Variants in NAV3 observed in about 807,000 individuals in gnomAD.
The protein encoded by NAV3 is pore membrane and/or filament interacting like protein 1.
A neutral mutation model predicts 244.7 loss-of-function variants in NAV3; 87 were observed. The ratio of observed to expected loss-of-function variants is 0.36; its 90% CI spans 0.30 to 0.42. The LOEUF (loss-of-function observed/expected upper bound fraction) is 0.42, where lower values mean the gene tolerates loss of function less well. Ranked by LOEUF, NAV3 falls within the 20% of genes least tolerant of loss-of-function variation. The probability of loss-of-function intolerance (pLI) is 1.00; values close to 1 mark genes in which losing one functional copy is unlikely to be tolerated. For missense variants in NAV3, 2,663 were observed against 2,893.3 expected (o/e 0.92, Z 1.83); for synonymous variants, 1,126 against 1,042.2 (o/e 1.08, Z -1.55).
chr12:77,686,972 G>A (rs1296274298), intron 2 of NAV3, among the ~76,000 whole-genome samples: 2 of 151,906 alleles, frequency 1.3e-5, no homozygotes, highest in African/African-American at 4.8e-5. Flanking sequence ...GCCTCTCGGT[G>A]GGGTCTTTTT....
At chr12:77,597,494 T>A (rs1304240539) in intron 2 of NAV3, among the ~76,000 whole-genome samples, 5 of 152,090 alleles carry the variant, frequency 3.3e-5, no homozygotes, top group African/African-American at 4.8e-5. Flanking sequence ...TTTTATCAAT[T>A]GAATAAGATT....
rs567491883 is a variant in NAV3, at chr12:77,926,457, T to C, written c.244-13862T>C. Among the ~76,000 whole-genome samples the C allele has an allele frequency of 7.9e-5, 12 of 151,564 alleles. No individual in the cohort carries two copies. In the East Asian group the frequency reaches 2.2e-3, roughly 27 times the overall value. ...GAGGCTTGGGAGGTAAGGGAAGATA[T>C]AGATAGATAGATACATACATACATA... On this transcript the variant is annotated intron_variant, in intron 1 of 39. Transcript: ENST00000397909.
rs747945999 is a variant in NAV3, at chr12:78,128,740, G to C, written c.4315G>C (p.Glu1439Gln). The change falls in exon 18 of 40, where the codon GAG becomes CAG. Residue 1439 changes from glutamate (E) to glutamine (Q), a missense_variant. Glu to Gln is a conservative substitution (Grantham distance 29). Coordinates refer to ENST00000397909, the MANE Select transcript of NAV3 (RefSeq NM_001024383.2). Reference protein sequence around the residue: ...TPSSRQANQEEGKEWLRSHST... With the variant: ...TPSSRQANQEQGKEWLRSHST... ...ATCATCTCGGCAGGCCAACCAAGAA[G>C]AGGGCAAAGAGTGGTTGCGTTCTCA... 46 of 1,613,884 alleles carry C rather than the reference G, an allele frequency of 2.9e-5. No homozygotes were observed. Among genetic ancestry groups the C allele is most frequent in the Non-Finnish European group, 3.9e-5 (46 of 1,179,880 alleles).
intron 1 of NAV3, among the ~76,000 whole-genome samples, chr12:77,907,225 G>A (rs545157708): frequency 5.9e-5 from 9 of 152,296 alleles, no homozygotes; most frequent in South Asian, 4.1e-4. Context: ...TGAAGGAAGA[G>A]CGTGTACAAG....
intron 22 of NAV3, 142 bp downstream of exon 22, chr12:78,149,061 T>C: frequency 2.9e-6 from 2 of 685,214 alleles, no homozygotes; most frequent in Non-Finnish European, 4.9e-6. Flanking sequence ...AAGTTAACAT[T>C]TTTTGCCTAC....
rs1246432571 is a variant in NAV3, at chr12:78,162,721, G to A, written c.4869+3435G>A. ...TCTACTAGAAACAAAAATTAGCCAG[G>A]CCTGGTGGTGGGCACCTGTAGTCCC... On this transcript the variant is annotated intron_variant, in intron 23 of 39. Transcript: ENST00000397909. Among the ~76,000 whole-genome samples the A allele has an allele frequency of 1.3e-5, 2 of 150,750 alleles. 1 individual carries two copies. The highest frequency in any genetic ancestry group is 3.0e-5 in the Non-Finnish European group (2 of 67,732).
At chr12:77,647,845 T>C (rs968414758) in intron 2 of NAV3, among the ~76,000 whole-genome samples, 3 of 152,136 alleles carry the variant, frequency 2.0e-5, no homozygotes, top group Admixed American at 6.5e-5. Flanking sequence ...AGCACAGATC[T>C]ACCATTCCTA....
intron 2 of NAV3, among the ~76,000 whole-genome samples, chr12:77,822,168 A>G (rs1340288464): frequency 1.3e-5 from 2 of 152,164 alleles, no homozygotes; most frequent in Non-Finnish European, 2.9e-5. Context: ...AACTAACTCT[A>G]TCAGTAGCAT....
At chr12:77,985,725 T>C (rs1382641765) in intron 5 of NAV3, among the ~76,000 whole-genome samples, 1 of 152,106 alleles carries the variant, frequency 6.6e-6, no homozygotes, top group Non-Finnish European at 1.5e-5. Flanking sequence ...TCTTAGATTC[T>C]TCCCTTTCTT....
chr12:77,951,710 A>G (rs1259200256), intron 3 of NAV3, among the ~76,000 whole-genome samples: 3 of 152,188 alleles, frequency 2.0e-5, no homozygotes, highest in Admixed American at 2.0e-4. Flanking sequence ...AAAATGTGGC[A>G]CATATACACC....
At chr12:77,725,955 T>C (rs1343140823) in intron 2 of NAV3, among the ~76,000 whole-genome samples, 1 of 151,966 alleles carries the variant, frequency 6.6e-6, no homozygotes, top group Non-Finnish European at 1.5e-5. Flanking sequence ...GCTGCATCAC[T>C]CTGAATCTGA....
At chr12:78,064,425 G>GTCTT (rs1884735312) in intron 12 of NAV3, among the ~76,000 whole-genome samples, 1 of 146,730 alleles carries the variant, frequency 6.8e-6, no homozygotes, top group Non-Finnish European at 1.5e-5. Flanking sequence ...CTGTCTGTCT[G>GTCTT]TCTGCCTGCC....
chr12:77,950,794 C>A (rs1300058821), intron 3 of NAV3: 3 of 152,036 alleles, frequency 2.0e-5, no homozygotes, highest in South Asian at 2.1e-4. Context: ...CTTTGACAAA[C>A]CTGACAAAAA....
intron 1 of NAV3, among the ~76,000 whole-genome samples, chr12:77,895,621 T>C (rs1201178054): frequency 2.6e-5 from 4 of 152,004 alleles, no homozygotes; most frequent in Admixed American, 1.3e-4. Flanking sequence ...ACATGCTAAG[T>C]TTTGTATTTT....
rs1350071736 is a variant in NAV3 at position 78,037,082 on chromosome 12, G to A, written c.2024-12911G>A. 7.1e-6 allele frequency: 5 copies of A among 702,866 alleles called. No individual in the cohort carries two copies. In the East Asian group the frequency reaches 8.0e-5, roughly 11 times the overall value. 43.5% of individuals were successfully genotyped at this position (702,866 alleles called of 1,614,324 possible). A position where few individuals can be genotyped will look rare whatever the true frequency, so the allele number is the denominator to read the frequency against. ...GGCGCTCACTGTCCAAGTTTCTCTC[G>A]CGGTCTGTGCAGTCCCTGTATCACA... On this transcript the variant is annotated intron_variant, in intron 9 of 39. Coordinates refer to ENST00000397909, the MANE Select transcript of NAV3 (RefSeq NM_001024383.2).
intron 12 of NAV3, among the ~76,000 whole-genome samples, chr12:78,074,741 G>A (rs574867813): frequency 3.3e-5 from 5 of 152,094 alleles, no homozygotes; most frequent in African/African-American, 4.8e-5. Context: ...AAGATATGAC[G>A]CAAGACAGAA....
chr12:78,127,549 A>G (rs1447510530), intron 17 of NAV3, among the ~76,000 whole-genome samples: 1 of 152,342 alleles, frequency 6.6e-6, no homozygotes, highest in Non-Finnish European at 1.5e-5. Context: ...CTTTGGTAGA[A>G]TGCAGAACTC....
intron 2 of NAV3, among the ~76,000 whole-genome samples, chr12:77,606,863 C>A (rs1870692692): frequency 6.6e-6 from 1 of 152,070 alleles, no homozygotes; most frequent in African/African-American, 2.4e-5. Flanking sequence ...GTCTTGAAAC[C>A]CACTTCGATT....
At chr12:77,876,126 A>G (rs191062898) in intron 1 of NAV3, among the ~76,000 whole-genome samples, 182 of 152,240 alleles carry the variant, frequency 1.2e-3, no homozygotes, top group African/African-American at 4.2e-3. Flanking sequence ...TATGTATTAC[A>G]TCATTATATT....
Sources: gnomAD v4.1 joint callset for allele counts (sites outside exome capture counted in the v4.1 genomes callset) on GRCh38, gnomAD v4.1.1 for gene constraint, MANE v1.5 for transcripts, NCBI Gene and HGNC (gene_info 2026-07-23, HGNC 2026-07-21) for gene names.